The following DYNC1H1 variants were observed in gnomAD, a reference collection of about 807,000 sequenced individuals.
DYNC1H1 encodes cytoplasmic dynein 1 heavy chain 1.
DYNC1H1 carries 51 observed loss-of-function variants against 527.1 expected under a neutral mutation model. The ratio of observed to expected loss-of-function variants is 0.10; its 90% CI spans 0.08 to 0.12. The LOEUF is 0.12. Among genes scored for constraint, DYNC1H1 ranks in the 10% least tolerant of loss-of-function variants. The pLI is 1.00. For synonymous variants in DYNC1H1, 2,189 were observed against 2,278.8 expected, an observed-to-expected ratio of 0.96 and a Z score of 1.12; for missense variants, 2,771 against 5,971.8, an observed-to-expected ratio of 0.46 and a Z score of 17.66.
At position 101,985,208 on chromosome 14, in the gene DYNC1H1, CAG is replaced by C. The variant is rs957203851; in HGVS notation, c.1462-474_1462-473del. On this transcript the variant is annotated intron_variant, in intron 7 of 77. Transcript: ENST00000360184. This position sits in a 1 kb window ranked among gnomAD's most constrained non-coding sequence, Gnocchi z 5.9. ...GGAATGCTTTATTTAGTCTCTTTTT[CAG>C]AGAGTCCTTCTCTGTAAAACATGGA... 3.3e-5 allele frequency among the ~76,000 whole-genome samples: 5 copies of C among 152,176 alleles called. No homozygotes were observed. The highest frequency in any genetic ancestry group is 5.9e-5 in the Non-Finnish European group (4 of 68,036).
chr14:101,991,719 C>G, intron 11 of DYNC1H1, 46 bp downstream of exon 11: 17 of 1,612,790 alleles, frequency 1.1e-5, no homozygotes, highest in Non-Finnish European at 1.4e-5. Flanking sequence ...CCAGGACTCT[C>G]ATGGGCTCTG....
chr14:102,052,967 G>T lies in DYNC1H1; in HGVS notation c.*2404G>T, dbSNP rs1432869216. 2 of 152,138 alleles carry T rather than the reference G, an allele frequency of 1.3e-5. No individual in the cohort carries two copies. Among genetic ancestry groups the T allele is most frequent in the Admixed American group, 1.3e-4 (2 of 15,270 alleles). 9.4% of individuals were successfully genotyped at this position (152,138 alleles called of 1,614,324 possible). A position where few individuals can be genotyped will look rare whatever the true frequency, so the allele number is the denominator to read the frequency against. ...GCAGCTCCAGTTGGAATGACTGGGGGTGTCTTCCGAATCGCCATCATAAAG... is the reference window on the plus strand; with the variant it reads ...GCAGCTCCAGTTGGAATGACTGGGGTTGTCTTCCGAATCGCCATCATAAAG... On this transcript the variant is annotated 3_prime_UTR_variant, in exon 78 of 78. Coordinates refer to ENST00000360184, the MANE Select transcript of DYNC1H1 (RefSeq NM_001376.5).
Position 101,979,250 on chromosome 14 carries a change from G to T in DYNC1H1, c.345-69G>T. Reference sequence around the variant, plus strand: ...GCAACACTTCAGTATATTCTTGTATGATTTTTAAATTAATAAGCCTAATTA... The same window carrying T: ...GCAACACTTCAGTATATTCTTGTATTATTTTTAAATTAATAAGCCTAATTA... On this transcript the variant is annotated intron_variant, in intron 2 of 77. Coordinates refer to ENST00000360184, the MANE Select transcript of DYNC1H1 (RefSeq NM_001376.5). This position sits in a 1 kb window ranked among gnomAD's most constrained non-coding sequence, Gnocchi z 4.6. The T allele has an allele frequency of 6.7e-7, 1 of 1,497,448 alleles. No homozygotes were observed. 92.8% of individuals were successfully genotyped at this position (1,497,448 alleles called of 1,614,324 possible).
chr14:102,052,470 C>T lies in DYNC1H1; in HGVS notation c.*1907C>T, dbSNP rs1002224443. ...TATGTGCATCGACATCAGCTTTGAT[C>T]AGAAGAGCCCCTGCTCCTCTTGGGC... On this transcript the variant is annotated 3_prime_UTR_variant, in exon 78 of 78. Transcript: ENST00000360184. The T allele has an allele frequency of 6.6e-6, 1 of 152,302 alleles. No individual in the cohort carries two copies. The highest frequency in any genetic ancestry group is 1.5e-5 in the Non-Finnish European group (1 of 68,104). 9.4% of individuals were successfully genotyped at this position (152,302 alleles called of 1,614,324 possible).
chr14:101,981,862 C>G (rs1390125650), intron 5 of DYNC1H1, among the ~76,000 whole-genome samples: 1 of 152,132 alleles, frequency 6.6e-6, no homozygotes. Flanking sequence ...GTAATATGTT[C>G]ACCTAAATTA....
chr14:102,023,893 C>G (rs780230703), intron 43 of DYNC1H1: 4 of 152,150 alleles, frequency 2.6e-5, no homozygotes, highest in African/African-American at 9.7e-5. Context: ...CAAAGTGAGA[C>G]CTTACCTCAA....
At position 102,005,027 on chromosome 14, in the gene DYNC1H1, T is replaced by C; in HGVS notation, c.5239-15T>C. ...TTAAAATGATCCTTTGGGATCTTGT[T>C]TCTGTGTCTTTCAGGCCCAGCTTGT... On this transcript the variant is annotated splice_polypyrimidine_tract_variant and intron_variant, in intron 25 of 77. Coordinates refer to ENST00000360184, the MANE Select transcript of DYNC1H1 (RefSeq NM_001376.5). The surrounding 1 kb of genome is among the most constrained non-coding windows in gnomAD (Gnocchi z 4.0). 6.2e-7 allele frequency: 1 copy of C among 1,614,258 alleles called. No individual in the cohort carries two copies.
Position 102,049,911 on chromosome 14 carries a change from C to G in DYNC1H1, c.13684+29C>G. ...AGTGGAGTCTCACAGAAAATACTGG[C>G]TCTTTGCAGGTGACCTCGGTGGCCT... On this transcript the variant is annotated intron_variant, in intron 76 of 77. Transcript: ENST00000360184. The surrounding 1 kb of genome is among the most constrained non-coding windows in gnomAD (Gnocchi z 5.5). The G allele has an allele frequency of 6.2e-7, 1 of 1,613,772 alleles. No individual in the cohort carries two copies. Among genetic ancestry groups the G allele is most frequent in the African/African-American group, 1.3e-5 (1 of 75,036 alleles).
chr14:102,041,749 C>A lies in DYNC1H1; in HGVS notation c.12102+15C>A. 6.2e-7 allele frequency: 1 copy of A among 1,613,892 alleles called. No individual in the cohort carries two copies. The highest frequency in any genetic ancestry group is 8.5e-7 in the Non-Finnish European group (1 of 1,180,048). ...TGGGCACAGAGGTAATGTCCTGGTA[C>A]AGCCCGGGCTTCCCACGAGACTCCA... On this transcript the variant is annotated intron_variant, in intron 65 of 77. Coordinates refer to ENST00000360184, the MANE Select transcript of DYNC1H1 (RefSeq NM_001376.5). This position sits in a 1 kb window ranked among gnomAD's most constrained non-coding sequence, Gnocchi z 4.5.
intron 43 of DYNC1H1, among the ~76,000 whole-genome samples, chr14:102,025,790 C>T (rs145705327): frequency 1.3e-5 from 2 of 152,146 alleles, no homozygotes; most frequent in Non-Finnish European, 2.9e-5. Flanking sequence ...GCTAAAACCA[C>T]ATGGTCCTGA....
chr14:102,010,019 G>A lies in DYNC1H1; in HGVS notation c.6154G>A (p.Val2052Ile). 1 of 1,614,054 alleles carries A rather than the reference G, an allele frequency of 6.2e-7. No individual in the cohort carries two copies. The highest frequency in any genetic ancestry group is 8.5e-7 in the Non-Finnish European group (1 of 1,180,028). The change falls in exon 30 of 78, where the codon GTC (valine) becomes ATC (isoleucine). Residue 2052 changes from valine (V) to isoleucine (I), a missense_variant. By Grantham distance (29) the Val-to-Ile change is conservative. This residue lies in a region of DYNC1H1 where 19 missense variants were observed against 90.4 expected (regional missense o/e 0.21). Transcript: ENST00000360184. The surrounding 1 kb of genome is among the most constrained non-coding windows in gnomAD (Gnocchi z 6.0). ...GCCCGACCGGCAGTTAATCGCCCAG[G>A]TCATGCTGTACTCACAGGGTTTCCG... ...TKPDRQLIAQ[V>I]MLYSQGFRTA...
chr14:102,028,242 T>A, intron 48 of DYNC1H1, 101 bp downstream of exon 48: 1 of 1,397,034 alleles, frequency 7.2e-7, no homozygotes, highest in Non-Finnish European at 9.9e-7. Context: ...CCAGGTGCAG[T>A]GACTCATGCC....
At chr14:102,037,044 C>G in intron 57 of DYNC1H1, 1 of 318,042 alleles carries the variant, frequency 3.1e-6, no homozygotes, top group South Asian at 2.7e-5. Flanking sequence ...TTGCAGTGAG[C>G]CGAGATCATG....
chr14:101,999,102 T>G (rs2141284324), intron 16 of DYNC1H1, among the ~76,000 whole-genome samples: 1 of 152,236 alleles, frequency 6.6e-6, no homozygotes, highest in East Asian at 1.9e-4. Context: ...CAGGATGGTC[T>G]CAATCTCCTG....
intron 5 of DYNC1H1, 34 bp downstream of exon 5, chr14:101,980,584 T>G (rs1170887857): frequency 6.2e-7 from 1 of 1,609,460 alleles, no homozygotes; most frequent in Non-Finnish European, 8.5e-7. Context: ...GATCAGTAAG[T>G]TATTGATCTG....
chr14:102,048,216 G>C, intron 73 of DYNC1H1, 188 bp downstream of exon 73: 1 of 790,418 alleles, frequency 1.3e-6, no homozygotes, highest in Non-Finnish European at 2.0e-6. Flanking sequence ...TTTTGAAATG[G>C]ACTGAAAACA....
At position 101,995,168 on chromosome 14, in the gene DYNC1H1, T is replaced by C. The variant is rs748484739; in HGVS notation, c.3445-13T>C. On this transcript the variant is annotated splice_polypyrimidine_tract_variant and intron_variant, in intron 14 of 77. Transcript: ENST00000360184. The stretch of plus-strand genomic sequence containing the variant: ...CCAGCTCTGTGATGAAATACTCCCC[T>C]CTCTCTGAACAGTCCCGCCAAGAGT... The C allele has an allele frequency of 6.2e-7, 1 of 1,614,142 alleles. No individual in the cohort carries two copies. Among genetic ancestry groups the C allele is most frequent in the South Asian group, 1.1e-5 (1 of 91,082 alleles).
chr14:102,008,999 C>T (rs2048229024), intron 29 of DYNC1H1, among the ~76,000 whole-genome samples: 1 of 152,172 alleles, frequency 6.6e-6, no homozygotes, highest in African/African-American at 2.4e-5. Context: ...GCCCTTGGTG[C>T]CCCCTCTTCA....
At position 101,979,647 on chromosome 14, in the gene DYNC1H1, A is replaced by G. The variant is rs1187704009; in HGVS notation, c.519-72A>G. 6.3e-5 allele frequency: 102 copies of G among 1,610,860 alleles called. No homozygotes were observed. The highest frequency in any genetic ancestry group is 8.6e-5 in the Non-Finnish European group (101 of 1,178,958). ...AATATGTGTGTCATTACTATTTGAC[A>G]GACCTGAAATGATGGGATCTCTTTG... On this transcript the variant is annotated intron_variant, in intron 3 of 77. Transcript: ENST00000360184. The surrounding 1 kb of genome is among the most constrained non-coding windows in gnomAD (Gnocchi z 4.6).
Sources: gnomAD v4.1 joint callset for allele counts (sites outside exome capture counted in the v4.1 genomes callset) on GRCh38, gnomAD v4.1.1 for gene constraint, gnomAD v4.1.1 regional missense constraint, Gnocchi (gnomAD v3.1) non-coding constraint, MANE v1.5 for transcripts, NCBI Gene and HGNC (gene_info 2026-07-23, HGNC 2026-07-21) for gene names.